The following ZNF555 variants were observed in gnomAD, a reference collection of about 807,000 sequenced individuals.
The protein encoded by ZNF555 is zinc finger protein 555.
Under a neutral mutation model 14.0 loss-of-function variants are expected in ZNF555, and 10 were observed. That is an observed-to-expected ratio of 0.72 (90% CI 0.44 to 1.21). The LOEUF (loss-of-function observed/expected upper bound fraction) is 1.21. Among genes scored for constraint, ZNF555 ranks in the 50% most tolerant of loss-of-function variants. The pLI is 0.00. For missense variants in ZNF555, 747 were observed against 762.0 expected (o/e 0.98, Z 0.23); for synonymous variants, 277 against 262.4 (o/e 1.06, Z -0.54).
intron 2 of ZNF555, 146 bp from the exon 3 acceptor site, chr19:2,851,322 C>G: frequency 1.8e-6 from 1 of 545,006 alleles, no homozygotes. Flanking sequence ...AATAATTTTT[C>G]TATGCTTACT....
At chr19:2,844,558 G>C (rs2087567122) in intron 1 of ZNF555, among the ~76,000 whole-genome samples, 1 of 152,220 alleles carries the variant, frequency 6.6e-6, no homozygotes, top group African/African-American at 2.4e-5. Context: ...TTTAAAATTG[G>C]CGGCTGGTCA....
chr19:2,852,408 G>A lies in ZNF555; in HGVS notation c.343G>A (p.Glu115Lys), dbSNP rs758809224. The A allele has an allele frequency of 1.9e-6, 3 of 1,614,162 alleles. No homozygotes were observed. The highest frequency in any genetic ancestry group is 4.5e-5 in the East Asian group (2 of 44,886). The change falls in exon 4 of 4, where the codon GAA (glutamate) becomes AAA (lysine). Residue 115 changes from glutamate to lysine, a missense_variant. Coordinates refer to ENST00000334241, the MANE Select transcript of ZNF555 (RefSeq NM_152791.5). ...SRNHGLERLC[E>K]SNDQCGEALS... Reference sequence around the variant, plus strand: ...AAATCATGGGTTGGAGAGACTCTGTGAAAGTAATGATCAATGTGGAGAAGC... The same window carrying A: ...AAATCATGGGTTGGAGAGACTCTGTAAAAGTAATGATCAATGTGGAGAAGC...
chr19:2,847,313 C>T (rs1267004208), intron 1 of ZNF555: 1 of 152,162 alleles, frequency 6.6e-6, no homozygotes, highest in Non-Finnish European at 1.5e-5. Context: ...GTGTTTCTGT[C>T]TTCATGTGAC....
rs774387605 is a variant in ZNF555, at chr19:2,853,367, T to C, written c.1302T>C (p.Asn434=). The change falls in exon 4 of 4, where the codon AAT becomes AAC. Residue 434 remains asparagine (N), a synonymous_variant. Transcript: ENST00000334241. ...YECKQCGKTF[N]WPISLRKHMR... is the part of the protein sequence containing the mutation. The stretch of plus-strand genomic sequence containing the variant: ...GCAAGCAATGTGGGAAAACTTTCAA[T>C]TGGCCCATATCTTTACGAAAACATA... 3.1e-6 allele frequency: 5 copies of C among 1,614,034 alleles called. No homozygotes were observed. The highest frequency in any genetic ancestry group is 4.2e-6 in the Non-Finnish European group (5 of 1,179,940).
At chr19:2,851,359 C>T in intron 2 of ZNF555, 109 bp from the exon 3 acceptor site, 1 of 866,434 alleles carries the variant, frequency 1.2e-6, no homozygotes, top group African/African-American at 1.7e-5. Context: ...AGTTGCTTAC[C>T]TTTTTGACCA....
At position 2,852,773 on chromosome 19, in the gene ZNF555, C is replaced by G; in HGVS notation, c.708C>G (p.Ala236=). The change falls in exon 4 of 4, where the codon GCC becomes GCG. Residue 236 remains alanine (A), a synonymous_variant. Transcript: ENST00000334241. ...ACGAATGTAAGCAATGTGGGAAAGC[C>G]TTTATTGACTTCTCAAGTCTTACTA... ...KTYECKQCGK[A]FIDFSSLTSH... is the part of the protein sequence containing the mutation. The G allele has an allele frequency of 6.2e-7, 1 of 1,614,062 alleles. No individual in the cohort carries two copies. Among genetic ancestry groups the G allele is most frequent in the Non-Finnish European group, 8.5e-7 (1 of 1,180,000 alleles).
chr19:2,849,881 C>T (rs143832709), intron 1 of ZNF555, among the ~76,000 whole-genome samples: 70 of 152,050 alleles, frequency 4.6e-4, no homozygotes, highest in Non-Finnish European at 8.7e-4. Flanking sequence ...CCTGTGTGTA[C>T]GAGAGAGAGC....
rs762002223 is a variant in ZNF555, at chr19:2,851,445, ATTTG to A, written c.131-19_131-16del. The A allele has an allele frequency of 1.3e-6, 2 of 1,551,604 alleles. No homozygotes were observed. Among genetic ancestry groups the A allele is most frequent in the Non-Finnish European group, 1.7e-6 (2 of 1,152,672 alleles). On this transcript the variant is annotated intron_variant, in intron 2 of 3. Coordinates refer to ENST00000334241, the MANE Select transcript of ZNF555 (RefSeq NM_152791.5). ...CCGCTAACAAGTGCCTTCTTATATG[ATTTG>A]TTTACTTTTTGGTTTCAGATGATGA...
In ZNF555 at chr19:2,854,235, T is replaced by A. The variant is rs1160133808; in HGVS notation, c.*283T>A. 3 of 334,132 alleles carry A rather than the reference T, an allele frequency of 9.0e-6. No homozygotes were observed. 20.7% of individuals were successfully genotyped at this position (334,132 alleles called of 1,614,324 possible). ...GGTATTGGATATTACGTATCTATTATATTTTCCACCTTTTTTACTGGGAGT... is the reference window on the plus strand; with the variant it reads ...GGTATTGGATATTACGTATCTATTAAATTTTCCACCTTTTTTACTGGGAGT... On this transcript the variant is annotated 3_prime_UTR_variant, in exon 4 of 4. Coordinates refer to ENST00000334241, the MANE Select transcript of ZNF555 (RefSeq NM_152791.5).
chr19:2,854,643 G>A lies in ZNF555; in HGVS notation c.*691G>A, dbSNP rs1351913696. 6.6e-6 allele frequency: 1 copy of A among 152,602 alleles called. No individual in the cohort carries two copies. The highest frequency in any genetic ancestry group is 1.9e-4 in the East Asian group (1 of 5,212). 9.5% of individuals were successfully genotyped at this position (152,602 alleles called of 1,614,324 possible). On this transcript the variant is annotated 3_prime_UTR_variant, in exon 4 of 4. Coordinates refer to ENST00000334241, the MANE Select transcript of ZNF555 (RefSeq NM_152791.5). ...TTTGGGGTCACATTAAATGGAGATGGACAGATGCATAGGGGCTTTGTGAAC... is the reference window on the plus strand; with the variant it reads ...TTTGGGGTCACATTAAATGGAGATGAACAGATGCATAGGGGCTTTGTGAAC...
intron 1 of ZNF555, among the ~76,000 whole-genome samples, chr19:2,841,935 C>T (rs1007205134): frequency 6.6e-6 from 1 of 151,632 alleles, no homozygotes; most frequent in Admixed American, 6.6e-5. Context: ...GGCTTCGGGA[C>T]CCCCGGGCCG....
chr19:2,852,258 G>A (rs1233039935), intron 3 of ZNF555, 122 bp from the exon 4 acceptor site: 7 of 1,180,042 alleles, frequency 5.9e-6, no homozygotes, highest in Non-Finnish European at 7.1e-6. Context: ...TTCATTTTCA[G>A]ACAGTTCCCA....
In ZNF555 at chr19:2,858,974, C is replaced by G. The variant is rs999664119; in HGVS notation, c.*5022C>G. On this transcript the variant is annotated 3_prime_UTR_variant, in exon 4 of 4. Coordinates refer to ENST00000334241, the MANE Select transcript of ZNF555 (RefSeq NM_152791.5). Reference sequence around the variant, plus strand: ...CCCAAGCTCCTCACGTGCCTCCTCCCCACAGTCCAGGACGCGTCTTACTAA... The same window carrying G: ...CCCAAGCTCCTCACGTGCCTCCTCCGCACAGTCCAGGACGCGTCTTACTAA... The G allele has an allele frequency of 6.6e-6, 1 of 152,586 alleles. No homozygotes were observed. Among genetic ancestry groups the G allele is most frequent in the African/African-American group, 2.4e-5 (1 of 41,476 alleles). 9.5% of individuals were successfully genotyped at this position (152,586 alleles called of 1,614,324 possible).
At position 2,853,373 on chromosome 19, in the gene ZNF555, C is replaced by T; in HGVS notation, c.1308C>T (p.Pro436=). Reference sequence around the variant, plus strand: ...AATGTGGGAAAACTTTCAATTGGCCCATATCTTTACGAAAACATATGAGAA... The same window carrying T: ...AATGTGGGAAAACTTTCAATTGGCCTATATCTTTACGAAAACATATGAGAA... ...CKQCGKTFNW[P]ISLRKHMRTH... Residue 436 remains proline (P), a synonymous_variant, in exon 4 of 4, where the codon CCC becomes CCT. Coordinates refer to ENST00000334241, the MANE Select transcript of ZNF555 (RefSeq NM_152791.5). The T allele has an allele frequency of 6.2e-7, 1 of 1,613,912 alleles. No homozygotes were observed. Among genetic ancestry groups the T allele is most frequent in the Non-Finnish European group, 8.5e-7 (1 of 1,179,954 alleles).
At chr19:2,841,658 G>C in intron 1 of ZNF555, 83 bp downstream of exon 1, 2 of 1,383,604 alleles carry the variant, frequency 1.4e-6, no homozygotes, top group Non-Finnish European at 1.9e-6. Flanking sequence ...GGGGAGCTGA[G>C]GGACGCGGGG....
At position 2,852,843 on chromosome 19, in the gene ZNF555, G is replaced by C; in HGVS notation, c.778G>C (p.Glu260Gln). The C allele has an allele frequency of 6.2e-7, 1 of 1,614,198 alleles. No individual in the cohort carries two copies. Among genetic ancestry groups the C allele is most frequent in the Non-Finnish European group, 8.5e-7 (1 of 1,180,044 alleles). ...CGGAGAGAAGCCATATAAGTGTAAG[G>C]AATGTGGGAAAGCTTTCAGTTATTC... Reference protein sequence around the residue: ...HTGEKPYKCKECGKAFSYSST... With the variant: ...HTGEKPYKCKQCGKAFSYSST... Residue 260 changes from glutamate to glutamine, a missense_variant, in exon 4 of 4, where the codon GAA becomes CAA. By Grantham distance (29) the Glu-to-Gln change is conservative. Transcript: ENST00000334241.
intron 1 of ZNF555, 62 bp from the exon 2 acceptor site, chr19:2,850,525 G>A (rs894138552): frequency 6.3e-7 from 1 of 1,590,128 alleles, no homozygotes; most frequent in South Asian, 1.1e-5. Context: ...TACGAATTGA[G>A]TACAATGCTC....
At position 2,854,280 on chromosome 19, in the gene ZNF555, A is replaced by G; in HGVS notation, c.*328A>G. 1 of 250,148 alleles carries G rather than the reference A, an allele frequency of 4.0e-6. No homozygotes were observed. Among genetic ancestry groups the G allele is most frequent in the Non-Finnish European group, 7.7e-6 (1 of 130,248 alleles). 15.5% of individuals were successfully genotyped at this position (250,148 alleles called of 1,614,324 possible). A position where few individuals can be genotyped will look rare whatever the true frequency, so the allele number is the denominator to read the frequency against. ...GGGAGTATTTTTATTGTTTGGCCAGAGGAGCCTTATTCCATTTTTTAAGAA... is the reference window on the plus strand; with the variant it reads ...GGGAGTATTTTTATTGTTTGGCCAGGGGAGCCTTATTCCATTTTTTAAGAA... On this transcript the variant is annotated 3_prime_UTR_variant, in exon 4 of 4. Transcript: ENST00000334241.
At chr19:2,845,548 T>C (rs1482633287) in intron 1 of ZNF555, among the ~76,000 whole-genome samples, 2 of 152,214 alleles carry the variant, frequency 1.3e-5, no homozygotes, top group Non-Finnish European at 2.9e-5. Flanking sequence ...CTGCTTTTCA[T>C]AGAGGTTGTA....
Sources: gnomAD v4.1 joint callset for allele counts (sites outside exome capture counted in the v4.1 genomes callset) on GRCh38, gnomAD v4.1.1 for gene constraint, MANE v1.5 for transcripts, NCBI Gene and HGNC (gene_info 2026-07-23, HGNC 2026-07-21) for gene names.